RBFOX3: variants seen among roughly 807,000 people sequenced by gnomAD.
RBFOX3 encodes the protein RNA binding protein fox-1 homolog 3.
In RBFOX3, 17 loss-of-function variants were observed where a neutral mutation model predicts 48.7. The ratio of observed to expected loss-of-function variants is 0.35; its 90% CI spans 0.24 to 0.52. The LOEUF is 0.52. Among genes scored for constraint, RBFOX3 ranks in the 20% least tolerant of loss-of-function variants. The pLI is 0.94. For synonymous variants in RBFOX3, 212 were observed against 209.5 expected, an observed-to-expected ratio of 1.01 and a Z score of -0.10; for missense variants, 382 against 497.5, an observed-to-expected ratio of 0.77 and a Z score of 2.21.
chr17:79,295,114 C>T (rs2074116892), intron 3 of RBFOX3, among the ~76,000 whole-genome samples: 1 of 152,150 alleles, frequency 6.6e-6, no homozygotes, highest in Non-Finnish European at 1.5e-5. Context: ...AAGACGGCCA[C>T]AGGGAATGTG....
intron 4 of RBFOX3, among the ~76,000 whole-genome samples, chr17:79,227,655 G>A (rs1197319083): frequency 2.0e-5 from 3 of 149,296 alleles, no homozygotes; most frequent in African/African-American, 7.7e-5. Context: ...CTTATAACTG[G>A]AGCACATGTG....
At chr17:79,309,860 G>A (rs555126547) in intron 2 of RBFOX3, among the ~76,000 whole-genome samples, 29 of 152,214 alleles carry the variant, frequency 1.9e-4, no homozygotes, top group African/African-American at 5.3e-4. Context: ...TTCGCCTTCC[G>A]CCACGATTGT....
At chr17:79,132,524 G>T (rs993183600) in intron 4 of RBFOX3, among the ~76,000 whole-genome samples, 3 of 152,338 alleles carry the variant, frequency 2.0e-5, no homozygotes, top group Non-Finnish European at 4.4e-5. Flanking sequence ...AGGAAACAGC[G>T]TACATTGCTG....
chr17:79,311,033 T>C lies in RBFOX3; in HGVS notation c.-174-3209A>G, dbSNP rs1167345989. On this transcript the variant is annotated intron_variant, in intron 2 of 14. Coordinates refer to ENST00000693108, the MANE Select transcript of RBFOX3 (RefSeq NM_001350451.2). This position sits in a 1 kb window ranked among gnomAD's most constrained non-coding sequence, Gnocchi z 4.2. ...CAGCACAGGATATGGCCTTTCTTAA[T>C]GTGGGTGGGTGGGCTTCATCCAGTC... Among the ~76,000 whole-genome samples the C allele has an allele frequency of 6.6e-6, 1 of 152,158 alleles. No individual in the cohort carries two copies. Among genetic ancestry groups the C allele is most frequent in the Non-Finnish European group, 1.5e-5 (1 of 68,018 alleles).
chr17:79,249,924 A>G lies in RBFOX3; in HGVS notation c.-73-14119T>C. Reference sequence around the variant, plus strand: ...GTATCCTTAGATCCCCACCAGCCTCACCATCCTAGCTGCACCTGCCGGCAT... The same window carrying G: ...GTATCCTTAGATCCCCACCAGCCTCGCCATCCTAGCTGCACCTGCCGGCAT... On this transcript the variant is annotated intron_variant, in intron 3 of 14. Coordinates refer to ENST00000693108, the MANE Select transcript of RBFOX3 (RefSeq NM_001350451.2). This position sits in a 1 kb window ranked among gnomAD's most constrained non-coding sequence, Gnocchi z 4.1. Among the ~76,000 whole-genome samples the G allele has an allele frequency of 6.6e-6, 1 of 151,908 alleles. No homozygotes were observed.
At chr17:79,561,717 G>A (rs1049653986) in intron 1 of RBFOX3, among the ~76,000 whole-genome samples, 114 of 152,246 alleles carry the variant, frequency 7.5e-4, no homozygotes, top group African/African-American at 2.6e-3. Context: ...CCTTCATCCC[G>A]GCCCGAGTCA....
chr17:79,195,286 C>T lies in RBFOX3; in HGVS notation c.-34+40480G>A, dbSNP rs2055360194. ...GTGGTGGCTCTCGTGCGTACAGTCCCAGCTACTCAGGAGGCTGAGACACGA... is the reference window on the plus strand; with the variant it reads ...GTGGTGGCTCTCGTGCGTACAGTCCTAGCTACTCAGGAGGCTGAGACACGA... On this transcript the variant is annotated intron_variant, in intron 4 of 14. Coordinates refer to ENST00000693108, the MANE Select transcript of RBFOX3 (RefSeq NM_001350451.2). This position sits in a 1 kb window ranked among gnomAD's most constrained non-coding sequence, Gnocchi z 5.3. 1.3e-5 allele frequency among the ~76,000 whole-genome samples: 2 copies of T among 152,044 alleles called. No homozygotes were observed. Among genetic ancestry groups the T allele is most frequent in the African/African-American group, 4.8e-5 (2 of 41,382 alleles).
chr17:79,091,125 A>AGCAGG (rs1272706277), intron 14 of RBFOX3, among the ~76,000 whole-genome samples: 1 of 152,172 alleles, frequency 6.6e-6, no homozygotes, highest in Non-Finnish European at 1.5e-5. Context: ...GACAGAGCTG[A>AGCAGG]GCAGGGCAGG....
At position 79,386,200 on chromosome 17, in the gene RBFOX3, C is replaced by T. The variant is rs937157714; in HGVS notation, c.-174-78376G>A. Among the ~76,000 whole-genome samples the T allele has an allele frequency of 4.6e-5, 7 of 150,738 alleles. No homozygotes were observed. The East Asian group carries it at 1.4e-3, about 30-fold the overall frequency. ...CTGTAACAGATGGGGGTTCCAACAC[C>T]TCCCATTAGAGAAAGAGGCTCCATC... On this transcript the variant is annotated intron_variant, in intron 2 of 14. Transcript: ENST00000693108.
chr17:79,648,757 G>T, the RBFOX3 span, among the ~76,000 whole-genome samples: 1 of 152,140 alleles, frequency 6.6e-6, no homozygotes, highest in Non-Finnish European at 1.5e-5. Context: ...CGCCATCAAG[G>T]TTTCCCAGCC....
chr17:79,327,906 G>C (rs1451958577), intron 2 of RBFOX3, among the ~76,000 whole-genome samples: 1 of 152,208 alleles, frequency 6.6e-6, no homozygotes, highest in Non-Finnish European at 1.5e-5. Context: ...ATGTTGGCCA[G>C]GCTGGTCTCA....
chr17:79,432,319 G>A (rs2068613312), intron 2 of RBFOX3, among the ~76,000 whole-genome samples: 1 of 152,178 alleles, frequency 6.6e-6, no homozygotes, highest in Admixed American at 6.5e-5. Flanking sequence ...CCCAGAAGTG[G>A]GGTTGCTGGG....
At chr17:79,159,092 G>A (rs948742170) in intron 4 of RBFOX3, among the ~76,000 whole-genome samples, 1 of 152,242 alleles carries the variant, frequency 6.6e-6, no homozygotes, top group Non-Finnish European at 1.5e-5. Flanking sequence ...GAGGCCACAC[G>A]AGAAGCAAGA....
At chr17:79,157,184 C>T (rs1261921092) in intron 4 of RBFOX3, among the ~76,000 whole-genome samples, 1 of 152,174 alleles carries the variant, frequency 6.6e-6, no homozygotes, top group Non-Finnish European at 1.5e-5. Flanking sequence ...TTGGGCTCTG[C>T]TCTTACTCCC....
intron 4 of RBFOX3, among the ~76,000 whole-genome samples, chr17:79,189,429 T>C (rs146133995): frequency 0.012 from 1,783 of 152,362 alleles, 7 homozygotes; most frequent in Non-Finnish European, 0.019. Flanking sequence ...TGCTCGTCGT[T>C]AGCCCTTGGC....
chr17:79,456,422 G>A (rs1206996859), intron 2 of RBFOX3, among the ~76,000 whole-genome samples: 3 of 151,982 alleles, frequency 2.0e-5, no homozygotes, highest in East Asian at 3.9e-4. Context: ...GGATGCCAGG[G>A]GCAGCCCCCT....
chr17:79,634,118 G>A, the RBFOX3 span, among the ~76,000 whole-genome samples: 1 of 152,200 alleles, frequency 6.6e-6, no homozygotes, highest in African/African-American at 2.4e-5. Context: ...AGGGGTGGCA[G>A]CCTGGAGCCC....
At chr17:79,140,335 T>C (rs1269262220) in intron 4 of RBFOX3, among the ~76,000 whole-genome samples, 1 of 152,244 alleles carries the variant, frequency 6.6e-6, no homozygotes, top group Non-Finnish European at 1.5e-5. Flanking sequence ...GCCCCATTTC[T>C]GTATCTCCAG....
chr17:79,560,285 A>C (rs2092123094), intron 1 of RBFOX3, among the ~76,000 whole-genome samples: 1 of 152,116 alleles, frequency 6.6e-6, no homozygotes, highest in Admixed American at 6.5e-5. Context: ...AAGCCTAAGA[A>C]TGCCCAGCTC....
Sources: gnomAD v4.1 joint callset for allele counts (sites outside exome capture counted in the v4.1 genomes callset) on GRCh38, gnomAD v4.1.1 for gene constraint, Gnocchi (gnomAD v3.1) non-coding constraint, MANE v1.5 for transcripts, NCBI Gene and HGNC (gene_info 2026-07-23, HGNC 2026-07-21) for gene names.